Variants in CLCA4 observed in about 807,000 individuals in gnomAD.
CLCA4 encodes calcium-activated chloride channel regulator 4.
A neutral mutation model predicts 78.9 loss-of-function variants in CLCA4; 69 were observed. That is an observed-to-expected ratio of 0.87 (90% CI 0.72 to 1.07). The LOEUF (loss-of-function observed/expected upper bound fraction) is 1.07, where lower values mean the gene tolerates loss of function less well. Ranked by LOEUF, CLCA4 falls within the 50% of genes least tolerant of loss-of-function variation. The pLI is 0.00. For synonymous variants in CLCA4, 362 were observed against 375.8 expected (o/e 0.96, Z 0.42); for missense variants, 1,133 against 1,095.8 (o/e 1.03, Z -0.48).
Position 86,577,926 on chromosome 1 carries a change from G to T in CLCA4, c.1976G>T (p.Gly659Val). The change falls in exon 12 of 14, where the codon GGA becomes GTA. Residue 659 changes from glycine (G) to valine (V), a missense_variant. Physicochemically the swap from Gly to Val is moderately radical, Grantham distance 109. Coordinates refer to ENST00000370563, the MANE Select transcript of CLCA4 (RefSeq NM_012128.4). ...GGCGCTGATTCTTTCAAGAATGATG[G>T]AGTCTACTCCAGGTATTTTACAGCA... is the stretch of plus-strand genomic sequence containing the variant. ...GAGADSFKNDGVYSRYFTAYT... is the reference protein window; with the variant it reads ...GAGADSFKNDVVYSRYFTAYT... The T allele has an allele frequency of 1.9e-6, 3 of 1,611,598 alleles. No individual in the cohort carries two copies. The highest frequency in any genetic ancestry group is 2.5e-6 in the Non-Finnish European group (3 of 1,178,850).
intron 6 of CLCA4, 125 bp from the exon 7 acceptor site, chr1:86,567,299 T>G: frequency 1.2e-6 from 1 of 842,140 alleles, no homozygotes; most frequent in East Asian, 2.7e-5. Context: ...AATTGCTTCC[T>G]TTAACAACAT....
At chr1:86,568,114 T>C (rs182878516) in intron 7 of CLCA4, among the ~76,000 whole-genome samples, 3 of 152,022 alleles carry the variant, frequency 2.0e-5, no homozygotes, top group African/African-American at 7.2e-5. Flanking sequence ...CTGTGAGTCA[T>C]ATTTAGGGTA....
Position 86,571,230 on chromosome 1 carries a change from G to A in CLCA4, c.1336G>A (p.Val446Ile). 6.2e-7 allele frequency: 1 copy of A among 1,612,192 alleles called. No individual in the cohort carries two copies. The change falls in exon 8 of 14, where the codon GTA becomes ATA. Residue 446 changes from valine (V) to isoleucine (I), a missense_variant. By Grantham distance (29) the Val-to-Ile change is conservative (BLOSUM62 3). Coordinates refer to ENST00000370563, the MANE Select transcript of CLCA4 (RefSeq NM_012128.4). ...IALGRAADEAVIEMSKITGGS... is the reference protein window; with the variant it reads ...IALGRAADEAIIEMSKITGGS... ...TTTGGGAAGAGCTGCTGATGAAGCA[G>A]TAATAGAGATGAGCAAGATAACAGG... is the stretch of plus-strand genomic sequence containing the variant.
intron 5 of CLCA4, 22 bp downstream of exon 5, chr1:86,565,473 T>C: frequency 6.6e-7 from 1 of 1,517,012 alleles, no homozygotes; most frequent in South Asian, 1.2e-5. Context: ...GATAATTGCT[T>C]CCAGAATTTA....
chr1:86,574,829 G>A, intron 10 of CLCA4, 74 bp downstream of exon 10: 1 of 1,100,122 alleles, frequency 9.1e-7, no homozygotes, highest in Non-Finnish European at 1.4e-6. Flanking sequence ...TGTCATAAAT[G>A]TCAGTACCAA....
At chr1:86,549,095 T>G (rs1334166027) in intron 1 of CLCA4, among the ~76,000 whole-genome samples, 1 of 151,982 alleles carries the variant, frequency 6.6e-6, no homozygotes, top group East Asian at 1.9e-4. Flanking sequence ...GGTCAGATGG[T>G]GGTAGTAGGT....
chr1:86,575,572 G>C lies in CLCA4; in HGVS notation c.1924G>C (p.Val642Leu). 2 of 1,612,648 alleles carry C rather than the reference G, an allele frequency of 1.2e-6. No homozygotes were observed. Among genetic ancestry groups the C allele is most frequent in the Non-Finnish European group, 1.7e-6 (2 of 1,179,162 alleles). ...FIESQNGHTEVLELLDNGAGA... is the reference protein window; with the variant it reads ...FIESQNGHTELLELLDNGAGA... ...TGAATCACAGAATGGACATACAGAA[G>C]TTTTGGAACTTTTGGATAATGGTGC... Residue 642 changes from valine (V) to leucine (L), a missense_variant, in exon 11 of 14, where the codon GTT (valine) becomes CTT (leucine). Physicochemically the swap from Val to Leu is conservative, Grantham distance 32. Transcript: ENST00000370563.
chr1:86,571,018 A>T, intron 7 of CLCA4, 59 bp from the exon 8 acceptor site: 1 of 1,278,844 alleles, frequency 7.8e-7, no homozygotes, highest in Non-Finnish European at 1.1e-6. Context: ...CTCATTTCCC[A>T]TTTGTCTATT....
rs74100409 is a variant in CLCA4 at position 86,570,298 on chromosome 1, G to C, written c.1183-779G>C. ...TCAAGGTCTCAAAATGGTGCTCCAA[G>C]ATGCCACCACCAATTAAAACTGTCA... On this transcript the variant is annotated intron_variant, in intron 7 of 13. Transcript: ENST00000370563. Among the ~76,000 whole-genome samples the C allele has an allele frequency of 3.2e-3, 480 of 152,012 alleles. 6 individuals are homozygous for C. Among genetic ancestry groups the C allele is most frequent in the African/African-American group, 0.011 (456 of 41,512 alleles).
chr1:86,577,986 G>C lies in CLCA4; in HGVS notation c.2036G>C (p.Arg679Pro). ...TENGRYSLKVRAHGGANTARL... is the reference protein window; with the variant it reads ...TENGRYSLKVPAHGGANTARL... Reference sequence around the variant, plus strand: ...AATGGCAGATATAGCTTAAAAGTTCGGGCTCATGGAGGAGCAAACACTGCC... The same window carrying C: ...AATGGCAGATATAGCTTAAAAGTTCCGGCTCATGGAGGAGCAAACACTGCC... The change falls in exon 12 of 14, where the codon CGG becomes CCG. Residue 679 changes from arginine (R) to proline (P), a missense_variant. Physicochemically the swap from Arg to Pro is moderately radical, Grantham distance 103. Transcript: ENST00000370563. The C allele has an allele frequency of 6.2e-7, 1 of 1,612,520 alleles. No individual in the cohort carries two copies. Among genetic ancestry groups the C allele is most frequent in the Non-Finnish European group, 8.5e-7 (1 of 1,179,218 alleles).
At chr1:86,562,916 G>GGTGTATT (rs951738170) in intron 3 of CLCA4, among the ~76,000 whole-genome samples, 3 of 151,110 alleles carry the variant, frequency 2.0e-5, no homozygotes, top group African/African-American at 7.3e-5. Context: ...TTCATACTGT[G>GGTGTATT]GTGTATTTTC....
At chr1:86,570,696 G>C (rs545331487) in intron 7 of CLCA4, among the ~76,000 whole-genome samples, 11 of 152,118 alleles carry the variant, frequency 7.2e-5, no homozygotes, top group Admixed American at 1.3e-4. Flanking sequence ...TAAACTGAAG[G>C]CTTGTCTGTC....
intron 1 of CLCA4, chr1:86,552,574 C>T (rs888206110): frequency 5.2e-6 from 3 of 578,730 alleles, no homozygotes; most frequent in African/African-American, 1.9e-5. Context: ...CCAGTGCTCA[C>T]GTGTCCACGC....
In CLCA4 at chr1:86,566,052, A is replaced by G. The variant is rs1174046704; in HGVS notation, c.954+32A>G. 1.9e-6 allele frequency: 3 copies of G among 1,578,450 alleles called. No individual in the cohort carries two copies. The South Asian group carries it at 3.4e-5, about 18-fold the overall frequency. ...TCACTTTTTCTGGATATAGGGATGT[A>G]GGATATTTGAAGATCCGAGAACACA... On this transcript the variant is annotated intron_variant, in intron 6 of 13. Transcript: ENST00000370563.
intron 1 of CLCA4, chr1:86,553,219 G>A (rs1649717842): frequency 1.7e-6 from 2 of 1,167,000 alleles, no homozygotes; most frequent in South Asian, 2.5e-5. Flanking sequence ...AGCTTCACCA[G>A]GGACATGTCC....
At chr1:86,561,188 A>G (rs142260696) in intron 3 of CLCA4, among the ~76,000 whole-genome samples, 8 of 152,148 alleles carry the variant, frequency 5.3e-5, no homozygotes, top group African/African-American at 1.9e-4. Flanking sequence ...TCATGTCCCA[A>G]TCTTACCTCT....
At chr1:86,575,018 G>A (rs753091802) in intron 10 of CLCA4, among the ~76,000 whole-genome samples, 23 of 151,966 alleles carry the variant, frequency 1.5e-4, no homozygotes, top group Non-Finnish European at 2.6e-4. Context: ...GCAAATTGGT[G>A]GGTAGAGAGC....
chr1:86,570,084 A>G (rs951474580), intron 7 of CLCA4, among the ~76,000 whole-genome samples: 3 of 152,026 alleles, frequency 2.0e-5, no homozygotes, highest in African/African-American at 7.2e-5. Flanking sequence ...ATTGCAATAT[A>G]TATATTAGTC....
Position 86,560,193 on chromosome 1 carries a change from C to A in CLCA4, c.301-18C>A. ...TTTTTTATTTTTGATGTTTGACAATCTTTTTCAACATTCTCAGGCTGATGT... is the reference window on the plus strand; with the variant it reads ...TTTTTTATTTTTGATGTTTGACAATATTTTTCAACATTCTCAGGCTGATGT... On this transcript the variant is annotated intron_variant, in intron 2 of 13. Transcript: ENST00000370563. 6.3e-7 allele frequency: 1 copy of A among 1,583,738 alleles called. No homozygotes were observed. Among genetic ancestry groups the A allele is most frequent in the Non-Finnish European group, 8.6e-7 (1 of 1,169,066 alleles).
Sources: allele counts gnomAD v4.1 joint callset (sites outside exome capture counted in the v4.1 genomes callset), GRCh38; gene constraint gnomAD v4.1.1; transcripts MANE v1.5; gene names NCBI Gene and HGNC (gene_info 2026-07-23, HGNC 2026-07-21).